Variants in MORN1 observed in about 807,000 individuals in gnomAD.
The protein encoded by MORN1 is MORN repeat containing 1.
MORN1 carries 67 observed loss-of-function variants against 61.9 expected under a neutral mutation model. That is an observed-to-expected ratio of 1.08 (90% CI 0.89 to 1.33). The LOEUF is 1.33. Among genes scored for constraint, MORN1 ranks in the 40% most tolerant of loss-of-function variants. MORN1 has a pLI of 0.00. For missense variants in MORN1, 752 were observed against 691.2 expected (o/e 1.09, Z -0.99); for synonymous variants, 301 against 292.0 (o/e 1.03, Z -0.31).
intron 13 of MORN1, chr1:2,323,721 C>T (rs1378734934): frequency 5.1e-6 from 5 of 985,352 alleles, no homozygotes; most frequent in Non-Finnish European, 4.8e-6. Context: ...GCCGGCCTTG[C>T]TGGGGAGCAG....
intron 5 of MORN1, chr1:2,385,362 C>T (rs1467328998): frequency 4.1e-6 from 2 of 493,390 alleles, no homozygotes; most frequent in Non-Finnish European, 7.3e-6. Flanking sequence ...GGGCTGCAGT[C>T]TCCACAGCCA....
rs1642188569 is a variant in MORN1 at position 2,374,379 on chromosome 1, GTT to G, written c.634+80_634+81del. On this transcript the variant is annotated intron_variant, in intron 7 of 13. Coordinates refer to ENST00000378531, the MANE Select transcript of MORN1 (RefSeq NM_024848.3). ...CCTCCCCAGTGTGCTCTTGGTCAGTGTTTCCCATATGGCTGCCCGGGGGCCAG... is the reference window on the plus strand; with the variant it reads ...CCTCCCCAGTGTGCTCTTGGTCAGTGTCCCATATGGCTGCCCGGGGGCCAG... 6.3e-6 allele frequency: 8 copies of G among 1,265,178 alleles called. No individual in the cohort carries two copies. In the East Asian group the frequency reaches 2.0e-4, roughly 32 times the overall value. The allele number at this position is 1,265,178 out of a possible 1,614,324, so 78.4% of individuals were successfully genotyped here.
At chr1:2,323,504 G>A in intron 13 of MORN1, 3 of 985,426 alleles carry the variant, frequency 3.0e-6, no homozygotes, top group Non-Finnish European at 3.6e-6. Context: ...GAGCCTTTGT[G>A]TAGCTGAGGT....
chr1:2,342,137 G>A (rs75504095), intron 10 of MORN1, among the ~76,000 whole-genome samples: 19,364 of 152,320 alleles, frequency 0.13, 1,539 homozygotes, highest in Middle Eastern at 0.21. Flanking sequence ...GTACGACCTC[G>A]GGGGCCTCGG....
Position 2,385,899 on chromosome 1 carries a change from T to G in MORN1, c.359-2A>C. The G allele has an allele frequency of 6.2e-7, 1 of 1,613,718 alleles. No individual in the cohort carries two copies. The highest frequency in any genetic ancestry group is 1.1e-5 in the South Asian group (1 of 91,072). On this transcript the variant is annotated splice_acceptor_variant, in intron 4 of 13. Coordinates refer to ENST00000378531, the MANE Select transcript of MORN1 (RefSeq NM_024848.3). LOFTEE classifies it high-confidence loss of function. ...CCCGGTCCACCAGAAACCCGTGTCCTGGAGAAGGGACCGAGAGACAGACTT... is the reference window on the plus strand; with the variant it reads ...CCCGGTCCACCAGAAACCCGTGTCCGGGAGAAGGGACCGAGAGACAGACTT...
At chr1:2,339,294 G>A (rs1015783634) in intron 10 of MORN1, among the ~76,000 whole-genome samples, 4 of 152,134 alleles carry the variant, frequency 2.6e-5, no homozygotes, top group African/African-American at 9.7e-5. Context: ...GGCTCTTACC[G>A]CCGCATGGCA....
In MORN1 at chr1:2,385,902, A is replaced by C. The variant is rs759283046; in HGVS notation, c.359-5T>G. 2.5e-6 allele frequency: 4 copies of C among 1,613,470 alleles called. No homozygotes were observed. Among genetic ancestry groups the C allele is most frequent in the Non-Finnish European group, 3.4e-6 (4 of 1,179,634 alleles). On this transcript the variant is annotated splice_polypyrimidine_tract_variant and splice_region_variant and intron_variant, in intron 4 of 13. Transcript: ENST00000378531. ...GGTCCACCAGAAACCCGTGTCCTGG[A>C]GAAGGGACCGAGAGACAGACTTGGC...
intron 12 of MORN1, among the ~76,000 whole-genome samples, chr1:2,326,027 C>T (rs542539728): frequency 2.0e-5 from 3 of 152,258 alleles, no homozygotes; most frequent in East Asian, 1.9e-4. Context: ...GGCACCCTCC[C>T]GCGGCCTCCT....
intron 6 of MORN1, among the ~76,000 whole-genome samples, chr1:2,382,853 A>G (rs1642403604): frequency 6.6e-6 from 1 of 152,200 alleles, no homozygotes; most frequent in African/African-American, 2.4e-5. Context: ...AACTGCCCTG[A>G]GCAGGGCTGG....
At chr1:2,322,077 T>TC (rs1640893584) in intron 13 of MORN1, 2 of 985,226 alleles carry the variant, frequency 2.0e-6, no homozygotes, top group Non-Finnish European at 2.4e-6. Context: ...CCTGGCCCCT[T>TC]CCCCACACCC....
intron 10 of MORN1, among the ~76,000 whole-genome samples, chr1:2,339,322 C>T (rs944653276): frequency 7.9e-5 from 12 of 152,166 alleles, no homozygotes; most frequent in Non-Finnish European, 1.5e-5. Context: ...ACGGAGGGGG[C>T]GTTTCTGCTG....
intron 10 of MORN1, among the ~76,000 whole-genome samples, chr1:2,345,545 T>A (rs1212354657): frequency 3.3e-5 from 5 of 152,202 alleles, no homozygotes; most frequent in Non-Finnish European, 7.3e-5. Context: ...AGAGGGCCAG[T>A]CCCAGCACCT....
chr1:2,355,467 G>C, intron 10 of MORN1: 1 of 1,550,498 alleles, frequency 6.4e-7, no homozygotes, highest in Non-Finnish European at 8.7e-7. Flanking sequence ...TGAGCTCCCT[G>C]CAAGCACAGA....
chr1:2,359,149 G>A (rs150052606), intron 8 of MORN1, among the ~76,000 whole-genome samples: 42 of 152,280 alleles, frequency 2.8e-4, no homozygotes, highest in Admixed American at 1.4e-3. Context: ...GGCGTGGGGT[G>A]GCACTGGCAC....
At chr1:2,323,571 G>A (rs1418521256) in intron 13 of MORN1, 1 of 985,336 alleles carries the variant, frequency 1.0e-6, no homozygotes, top group Non-Finnish European at 1.2e-6. Context: ...AGGCTGTGGG[G>A]CGACTGGAGG....
At position 2,385,836 on chromosome 1, in the gene MORN1, C is replaced by T. The variant is rs760277739; in HGVS notation, c.420G>A (p.Lys140=). The change falls in exon 5 of 14, where the codon AAG becomes AAA. Residue 140 remains lysine (K), a synonymous_variant. Coordinates refer to ENST00000378531, the MANE Select transcript of MORN1 (RefSeq NM_024848.3). ...AGAGCATCTGCCCAGGGCCGTGCCTCTTGTTGTCATGGAAGGAGCCCTGGT... is the reference window on the plus strand; with the variant it reads ...AGAGCATCTGCCCAGGGCCGTGCCTTTTGTTGTCATGGAAGGAGCCCTGGT... ...QVYQGSFHDN[K]RHGPGQMLFQ... is the part of the protein sequence containing the mutation. The T allele has an allele frequency of 2.5e-6, 4 of 1,613,966 alleles. No individual in the cohort carries two copies. The highest frequency in any genetic ancestry group is 1.6e-4 in the Middle Eastern group (1 of 6,062).
chr1:2,355,383 G>C, intron 10 of MORN1: 1 of 1,547,624 alleles, frequency 6.5e-7, no homozygotes. Flanking sequence ...TCTTTTATAT[G>C]ATGAATGACG....
intron 10 of MORN1, among the ~76,000 whole-genome samples, chr1:2,341,774 C>T (rs549926416): frequency 4.6e-5 from 7 of 152,356 alleles, no homozygotes; most frequent in Admixed American, 3.9e-4. Flanking sequence ...TCAGAAAAGC[C>T]GAGGTGCAGA....
chr1:2,388,144 T>C, intron 3 of MORN1, 95 bp downstream of exon 3: 1 of 974,242 alleles, frequency 1.0e-6, no homozygotes, highest in Non-Finnish European at 1.6e-6. Context: ...GCTTCCCGTC[T>C]ACACGTCACG....
Sources: allele counts gnomAD v4.1 joint callset (sites outside exome capture counted in the v4.1 genomes callset), GRCh38; gene constraint gnomAD v4.1.1; transcripts MANE v1.5; gene names NCBI Gene and HGNC (gene_info 2026-07-23, HGNC 2026-07-21).